GALNTL5: variants seen among roughly 807,000 people sequenced by gnomAD.
GALNTL5 encodes the protein inactive polypeptide N-acetylgalactosaminyltransferase-like protein 5.
GALNTL5 carries 44 observed loss-of-function variants against 51.0 expected under a neutral mutation model. The ratio of observed to expected loss-of-function variants is 0.86; its 90% confidence interval spans 0.68 to 1.11. GALNTL5 has a LOEUF of 1.11. Ranked by LOEUF, GALNTL5 falls within the 50% of genes least tolerant of loss-of-function variation. GALNTL5 has a pLI of 0.00. For missense variants in GALNTL5, 528 were observed against 531.8 expected (o/e 0.99, Z 0.07); for synonymous variants, 192 against 182.8 (o/e 1.05, Z -0.41).
rs2080927378 is a variant in GALNTL5 at position 151,956,511 on chromosome 7, A to G, written c.-138A>G. ...GCCTGCTAGCTAAAAAAAATTTTAC[A>G]TCTCTCAGTTCATTCGGCACAGACC... On this transcript the variant is annotated 5_prime_UTR_variant, in exon 1 of 9. Coordinates refer to ENST00000392800, the MANE Select transcript of GALNTL5 (RefSeq NM_145292.4). The G allele has an allele frequency of 1.3e-5, 2 of 152,190 alleles. No homozygotes were observed. The highest frequency in any genetic ancestry group is 2.1e-4 in the South Asian group (1 of 4,824). 9.4% of individuals were successfully genotyped at this position (152,190 alleles called of 1,614,324 possible). A position where few individuals can be genotyped will look rare whatever the true frequency, so the allele number is the denominator to read the frequency against.
intron 1 of GALNTL5, among the ~76,000 whole-genome samples, chr7:151,966,344 T>G (rs2081059703): frequency 6.6e-6 from 1 of 152,110 alleles, no homozygotes; most frequent in Non-Finnish European, 1.5e-5. Flanking sequence ...CTTGGCTCAC[T>G]GCAACCTCCG....
intron 1 of GALNTL5, among the ~76,000 whole-genome samples, chr7:151,957,307 G>T (rs1050984724): frequency 3.3e-5 from 5 of 151,460 alleles, no homozygotes. Context: ...ACTTTTGGGG[G>T]CCAAGGCAGA....
chr7:151,973,196 C>A (rs1285392200), intron 3 of GALNTL5, among the ~76,000 whole-genome samples: 2 of 151,988 alleles, frequency 1.3e-5, no homozygotes, highest in East Asian at 3.9e-4. Flanking sequence ...GTGGCTCAAG[C>A]CTATAATCCC....
At chr7:151,987,620 T>A (rs116221061) in intron 5 of GALNTL5, among the ~76,000 whole-genome samples, 7 of 51,212 alleles carry the variant, frequency 1.4e-4, no homozygotes, top group Non-Finnish European at 2.3e-4. Context: ...AGACTGGGGG[T>A]GGGGTGGGCG....
intron 5 of GALNTL5, among the ~76,000 whole-genome samples, chr7:151,992,894 T>C (rs1341276902): frequency 6.6e-6 from 1 of 152,090 alleles, no homozygotes; most frequent in Non-Finnish European, 1.5e-5. Flanking sequence ...TTCACACACG[T>C]GCTCTCCGCC....
Position 151,962,436 on chromosome 7 carries a change from C to CTTTTTTTTTTT in GALNTL5, c.-39-4767_-39-4757dup, listed in dbSNP as rs61210832. ...AAAAAAGTCTGTGTGATTTTTTTTT[C>CTTTTTTTTTTT]TTTTTTTTTTTTTTTGGTTAATGCA... On this transcript the variant is annotated intron_variant, in intron 1 of 8. Coordinates refer to ENST00000392800, the MANE Select transcript of GALNTL5 (RefSeq NM_145292.4). Among the ~76,000 whole-genome samples the CTTTTTTTTTTT allele has an allele frequency of 2.3e-3, 272 of 116,132 alleles. 7 individuals are homozygous for CTTTTTTTTTTT. Among genetic ancestry groups the CTTTTTTTTTTT allele is most frequent in the Non-Finnish European group, 3.2e-3 (186 of 57,244 alleles). The allele number at this position is 116,132 out of a possible 152,430, so 76.2% of individuals were successfully genotyped here.
At chr7:151,987,344 G>A in intron 5 of GALNTL5, 63 bp downstream of exon 5, 1 of 1,443,136 alleles carries the variant, frequency 6.9e-7, no homozygotes. Flanking sequence ...CTTCTGAGCG[G>A]GACTCCTCTG....
intron 5 of GALNTL5, among the ~76,000 whole-genome samples, chr7:151,994,445 G>A (rs1030531711): frequency 3.9e-5 from 6 of 151,940 alleles, no homozygotes; most frequent in Admixed American, 6.6e-5. Flanking sequence ...ATTACAAAGC[G>A]ACGCTGTCTC....
chr7:151,997,572 A>T (rs2081515446), intron 5 of GALNTL5, among the ~76,000 whole-genome samples: 2 of 152,208 alleles, frequency 1.3e-5, no homozygotes, highest in African/African-American at 2.4e-5. Flanking sequence ...TTTTAACTTA[A>T]ATCAAAATTC....
rs1416237421 is a variant in GALNTL5 at position 151,967,348 on chromosome 7, C to A, written c.102C>A (p.Ser34Arg). 6.2e-7 allele frequency: 1 copy of A among 1,614,144 alleles called. No individual in the cohort carries two copies. Among genetic ancestry groups the A allele is most frequent in the South Asian group, 1.1e-5 (1 of 91,084 alleles). The change falls in exon 2 of 9, where the codon AGC becomes AGA. Residue 34 changes from serine to arginine, a missense_variant. Transcript: ENST00000392800. ...ATTTGCACCATAATCATGTGAGCAG[C>A]TGGCAGAAGAAAAGCCAGGAGCCTC... Reference protein sequence around the residue: ...FIYLHHNHVSSWQKKSQEPLS... With the variant: ...FIYLHHNHVSRWQKKSQEPLS...
At chr7:151,994,576 C>T (rs1190774061) in intron 5 of GALNTL5, among the ~76,000 whole-genome samples, 1 of 152,086 alleles carries the variant, frequency 6.6e-6, no homozygotes, top group Non-Finnish European at 1.5e-5. Flanking sequence ...CAAGCCTCAT[C>T]CCGTCTCAGA....
At chr7:151,971,942 CTT>C (rs546755794) in intron 3 of GALNTL5, among the ~76,000 whole-genome samples, 1 of 152,186 alleles carries the variant, frequency 6.6e-6, no homozygotes, top group African/African-American at 2.4e-5. Flanking sequence ...AATTACACCT[CTT>C]TTGTTTAGCA....
chr7:151,961,556 G>A lies in GALNTL5; in HGVS notation c.-40+4947G>A, dbSNP rs1021587084. 1.1e-4 allele frequency among the ~76,000 whole-genome samples: 17 copies of A among 152,288 alleles called. No homozygotes were observed. In the South Asian group the frequency reaches 3.5e-3, roughly 32 times the overall value. ...AAATTCTGTTCTCAAGTTAGAGAGA[G>A]GACAAAAATGGGAGACAATAGTAAA... On this transcript the variant is annotated intron_variant, in intron 1 of 8. Coordinates refer to ENST00000392800, the MANE Select transcript of GALNTL5 (RefSeq NM_145292.4).
intron 2 of GALNTL5, among the ~76,000 whole-genome samples, chr7:151,969,424 A>G (rs796470888): frequency 6.6e-6 from 1 of 152,160 alleles, no homozygotes; most frequent in African/African-American, 2.4e-5. Context: ...TCCAAACCCA[A>G]TGAATGGACT....
chr7:152,010,808 A>C (rs17557000), intron 7 of GALNTL5, among the ~76,000 whole-genome samples: 46,260 of 151,728 alleles, frequency 0.3, 7,421 homozygotes, highest in Non-Finnish European at 0.36. Flanking sequence ...GCAATAGAAA[A>C]ATACAGAGTA....
At chr7:152,017,146 T>C (rs2081829135) in intron 8 of GALNTL5, among the ~76,000 whole-genome samples, 1 of 152,196 alleles carries the variant, frequency 6.6e-6, no homozygotes, top group Non-Finnish European at 1.5e-5. Flanking sequence ...GGTGATTTCA[T>C]TGTTGTGGGA....
At chr7:151,978,393 G>A (rs933236990) in intron 3 of GALNTL5, among the ~76,000 whole-genome samples, 1 of 152,170 alleles carries the variant, frequency 6.6e-6, no homozygotes, top group African/African-American at 2.4e-5. Context: ...AAGAGTGCCT[G>A]TGCCTGGTGG....
chr7:151,977,786 T>C (rs1437614856), intron 3 of GALNTL5, among the ~76,000 whole-genome samples: 2 of 152,170 alleles, frequency 1.3e-5, no homozygotes, highest in Non-Finnish European at 2.9e-5. Context: ...TTTCTATTTC[T>C]AGGGGCTATT....
At chr7:151,998,618 A>T (rs2081529922) in intron 5 of GALNTL5, among the ~76,000 whole-genome samples, 1 of 152,112 alleles carries the variant, frequency 6.6e-6, no homozygotes, top group Admixed American at 6.5e-5. Flanking sequence ...CTAAAAATAC[A>T]AAAATTAGCT....
Sources: allele counts gnomAD v4.1 joint callset (sites outside exome capture counted in the v4.1 genomes callset), GRCh38; gene constraint gnomAD v4.1.1; transcripts MANE v1.5; gene names NCBI Gene and HGNC (gene_info 2026-07-23, HGNC 2026-07-21).